ENTPD5: variants seen among roughly 807,000 people sequenced by gnomAD.
The protein encoded by ENTPD5 is nucleoside diphosphate phosphatase ENTPD5.
A neutral mutation model predicts 60.2 loss-of-function variants in ENTPD5; 49 were observed. The observed-to-expected ratio is 0.81, with a 90% CI of 0.65 to 1.03. The LOEUF is 1.03. ENTPD5 is among the 50% of genes least tolerant of loss of function. The pLI, the probability that ENTPD5 is intolerant of heterozygous loss-of-function variation, is 0.00. For missense variants in ENTPD5, 480 were observed against 507.6 expected (o/e 0.95, Z 0.52); for synonymous variants, 187 against 185.4 (o/e 1.01, Z -0.07).
chr14:73,982,558 C>T (rs903109043), intron 6 of ENTPD5, among the ~76,000 whole-genome samples: 16 of 151,802 alleles, frequency 1.1e-4, no homozygotes, highest in Non-Finnish European at 1.9e-4. Flanking sequence ...AGATCGAGAC[C>T]ATCCTGGCTA....
chr14:73,976,009 G>T lies in ENTPD5; in HGVS notation c.649C>A (p.Leu217Met). Residue 217 changes from leucine to methionine, a missense_variant, in exon 10 of 16, where the codon CTG becomes ATG. Leu to Met is a conservative substitution (Grantham distance 15, BLOSUM62 2). Coordinates refer to ENST00000334696, the MANE Select transcript of ENTPD5 (RefSeq NM_001249.5). Reference protein sequence around the residue: ...ITFLPQFEKTLEQTPRGYLTS... With the variant: ...ITFLPQFEKTMEQTPRGYLTS... ...AGGTAGCCCCTAGGAGTTTGTTCCA[G>T]AGTTTTCTGCAAATCAGAAAAAGCA... 1 of 1,613,034 alleles carries T rather than the reference G, an allele frequency of 6.2e-7. No homozygotes were observed.
chr14:73,969,715 T>TAATAATAAATA (rs1555360492), intron 15 of ENTPD5, among the ~76,000 whole-genome samples: 1 of 148,822 alleles, frequency 6.7e-6, no homozygotes, highest in Admixed American at 6.7e-5. Flanking sequence ...AAAAAAATAA[T>TAATAATAAATA]AATAAATAAA....
chr14:74,017,580 A>C (rs1250625583), intron 1 of ENTPD5, among the ~76,000 whole-genome samples: 3 of 143,164 alleles, frequency 2.1e-5, no homozygotes, highest in African/African-American at 8.0e-5. Context: ...CTCTGTCTCA[A>C]AAAAAAAAAA....
chr14:73,992,427 A>G (rs1224816731), intron 3 of ENTPD5, among the ~76,000 whole-genome samples: 1 of 152,076 alleles, frequency 6.6e-6, no homozygotes, highest in East Asian at 1.9e-4. Flanking sequence ...GCTCACGCCT[A>G]TAATCCCAGC....
Position 73,970,093 on chromosome 14 carries a change from T to C in ENTPD5, c.1117A>G (p.Ser373Gly). Residue 373 changes from serine (S) to glycine (G), a missense_variant, in exon 15 of 16, where the codon AGT becomes GGT. Coordinates refer to ENST00000334696, the MANE Select transcript of ENTPD5 (RefSeq NM_001249.5). ...CDNLENFTSG[S>G]PFLCMDLSYI... ...CTGAGATCCATGCACAGGAAAGGACTGCCTGAGGTGAAGTTTTCCAAGTTA... is the reference window on the plus strand; with the variant it reads ...CTGAGATCCATGCACAGGAAAGGACCGCCTGAGGTGAAGTTTTCCAAGTTA... 6.2e-7 allele frequency: 1 copy of C among 1,613,936 alleles called. No individual in the cohort carries two copies. Among genetic ancestry groups the C allele is most frequent in the Non-Finnish European group, 8.5e-7 (1 of 1,179,842 alleles).
At chr14:73,986,961 G>T in intron 4 of ENTPD5, 68 bp from the exon 5 acceptor site, 1 of 1,163,500 alleles carries the variant, frequency 8.6e-7, no homozygotes, top group Non-Finnish European at 1.3e-6. Flanking sequence ...TTCAGATGCT[G>T]GGCTCTGTCT....
At chr14:73,990,504 T>C (rs1254909825) in intron 3 of ENTPD5, among the ~76,000 whole-genome samples, 2 of 151,788 alleles carry the variant, frequency 1.3e-5, no homozygotes, top group South Asian at 4.2e-4. Context: ...CTGGCTATTT[T>C]TTTTATTTTG....
At chr14:73,961,037 C>A (rs1486825904), downstream of ENTPD5, 3 of 992,472 alleles carry the variant, frequency 3.0e-6, no homozygotes, top group Non-Finnish European at 3.1e-6. Context: ...AGGGGCTTAT[C>A]ACTTGTCAAG....
intron 3 of ENTPD5, among the ~76,000 whole-genome samples, chr14:73,991,625 A>AAAAAAAAAAAAAG (rs56259684): frequency 7.8e-6 from 1 of 127,966 alleles, no homozygotes; most frequent in African/African-American, 2.7e-5. Context: ...AAAAAAAAAA[A>AAAAAAAAAAAAAG]ACAATTAGGG....
At chr14:74,000,319 T>G (rs1318995636) in intron 3 of ENTPD5, among the ~76,000 whole-genome samples, 1 of 151,676 alleles carries the variant, frequency 6.6e-6, no homozygotes, top group Admixed American at 6.6e-5. Flanking sequence ...TAGTCAGGCA[T>G]GGTGGAATGC....
Position 73,983,109 on chromosome 14 carries a change from C to T in ENTPD5, c.350G>A (p.Arg117Gln), listed in dbSNP as rs267604052. ...CACTGGGGTCTTTTTCCAGTGACTTCGGGGGATTGAGTCTTTGGCCACCTC... is the reference window on the plus strand; with the variant it reads ...CACTGGGGTCTTTTTCCAGTGACTTTGGGGGATTGAGTCTTTGGCCACCTC... ...LLEVAKDSIPRSHWKKTPVVL... is the reference protein window; with the variant it reads ...LLEVAKDSIPQSHWKKTPVVL... The change falls in exon 6 of 16, where the codon CGA becomes CAA. Residue 117 changes from arginine to glutamine, a missense_variant. Arg to Gln is a conservative substitution (Grantham distance 43). Transcript: ENST00000334696. 5.0e-6 allele frequency: 8 copies of T among 1,614,096 alleles called. No individual in the cohort carries two copies. The highest frequency in any genetic ancestry group is 2.2e-5 in the East Asian group (1 of 44,888).
intron 1 of ENTPD5, among the ~76,000 whole-genome samples, chr14:74,017,612 CG>C (rs2059072947): frequency 6.7e-6 from 1 of 148,810 alleles, no homozygotes; most frequent in African/African-American, 2.5e-5. Flanking sequence ...CAGCCGGGGG[CG>C]GTGGCTCATG....
rs969205558 is a variant in ENTPD5, at chr14:73,983,069, T to C, written c.390A>G (p.Thr130=). 14 of 1,614,108 alleles carry C rather than the reference T, an allele frequency of 8.7e-6. No individual in the cohort carries two copies. The highest frequency in any genetic ancestry group is 1.2e-5 in the Non-Finnish European group (14 of 1,180,020). Residue 130 remains threonine (T), a synonymous_variant, in exon 6 of 16, where the codon ACA becomes ACG. Transcript: ENST00000334696. ...WKKTPVVLKA[T]AGLRLLPEHK... Reference sequence around the variant, plus strand: ...GTTCTGGCAGTAAGCGTAGTCCTGCTGTTGCCTTTAGGACCACTGGGGTCT... The same window carrying C: ...GTTCTGGCAGTAAGCGTAGTCCTGCCGTTGCCTTTAGGACCACTGGGGTCT...
intron 6 of ENTPD5, among the ~76,000 whole-genome samples, chr14:73,982,107 C>T (rs1425107237): frequency 6.6e-6 from 1 of 152,144 alleles, no homozygotes; most frequent in Non-Finnish European, 1.5e-5. Context: ...TGCAGTCTCG[C>T]TCTGTTGCGC....
chr14:73,959,559 G>C (rs2056608922), downstream of ENTPD5: 1 of 1,614,080 alleles, frequency 6.2e-7, no homozygotes, highest in African/African-American at 1.3e-5. Context: ...ATGTGCTGCA[G>C]GGGGAGATAC....
chr14:73,960,183 G>A (rs927092240), downstream of ENTPD5: 20 of 988,054 alleles, frequency 2.0e-5, no homozygotes, highest in Non-Finnish European at 2.2e-5. Context: ...GGGAAAGGCC[G>A]AGCGAATTTC....
intron 3 of ENTPD5, chr14:74,003,558 G>T: frequency 1.4e-6 from 1 of 692,640 alleles, no homozygotes; most frequent in South Asian, 1.5e-5. Flanking sequence ...CAAGTTGTGG[G>T]ACTGCATGCT....
At chr14:73,967,643 C>CA (rs925376153) in intron 15 of ENTPD5, among the ~76,000 whole-genome samples, 7 of 151,246 alleles carry the variant, frequency 4.6e-5, no homozygotes, top group African/African-American at 1.5e-4. Flanking sequence ...CCCGTCTCTA[C>CA]AAAAAAATTA....
At chr14:73,980,103 T>C (rs2057617495) in intron 6 of ENTPD5, among the ~76,000 whole-genome samples, 1 of 151,774 alleles carries the variant, frequency 6.6e-6, no homozygotes. Flanking sequence ...CCTGCCACCA[T>C]GCCCAGCTAA....
Sources: allele counts gnomAD v4.1 joint callset (sites outside exome capture counted in the v4.1 genomes callset), GRCh38; gene constraint gnomAD v4.1.1; transcripts MANE v1.5; gene names NCBI Gene and HGNC (gene_info 2026-07-23, HGNC 2026-07-21).